TIPIN: variants seen among roughly 807,000 people sequenced by gnomAD.
TIPIN encodes the protein TIMELESS interacting protein.
A neutral mutation model predicts 35.6 loss-of-function variants in TIPIN; 29 were observed. That is an observed-to-expected ratio of 0.82 (90% confidence interval 0.61 to 1.11). TIPIN has a LOEUF of 1.11. TIPIN is among the 50% of genes most tolerant of loss of function. The pLI is 0.00. For synonymous variants in TIPIN, 102 were observed against 121.5 expected, an observed-to-expected ratio of 0.84 and a Z score of 1.06; for missense variants, 296 against 345.4, an observed-to-expected ratio of 0.86 and a Z score of 1.13.
At chr15:66,379,924 T>C in intron 1 of TIPIN, 1 of 1,361,420 alleles carries the variant, frequency 7.3e-7, no homozygotes, top group Non-Finnish European at 1.0e-6. Context: ...ACTCTCGCAG[T>C]ACACACGGCA....
chr15:66,361,553 C>A (rs2093231157), upstream of TIPIN, among the ~76,000 whole-genome samples: 1 of 103,204 alleles, frequency 9.7e-6, no homozygotes, highest in Non-Finnish European at 1.9e-5. Flanking sequence ...CTGTGCCCCA[C>A]CTGTAATTTA....
chr15:66,343,589 T>A (rs1170399144), intron 6 of TIPIN, among the ~76,000 whole-genome samples: 3 of 152,242 alleles, frequency 2.0e-5, no homozygotes, highest in African/African-American at 7.2e-5. Context: ...CCACTTTTCC[T>A]TCCTGACATG....
chr15:66,361,970 C>G (rs1448244915), intron 1 of TIPIN, among the ~76,000 whole-genome samples: 2 of 146,772 alleles, frequency 1.4e-5, no homozygotes, highest in Non-Finnish European at 3.0e-5. Context: ...CAGAGCCAGA[C>G]CCCGTCTCAA....
chr15:66,347,296 G>A (rs1364324484), intron 6 of TIPIN: 1 of 517,210 alleles, frequency 1.9e-6, no homozygotes, highest in South Asian at 1.4e-5. Context: ...ACTGTCTATG[G>A]TTGCACTGTA....
chr15:66,336,630 T>C lies in TIPIN; in HGVS notation c.*328A>G. On this transcript the variant is annotated 3_prime_UTR_variant, in exon 8 of 8. Transcript: ENST00000261881. ...CACACTGTCCATGGATTAGCCCTGCTTTGCAAGGAGCAGTAAAAAACAGAA... is the reference window on the plus strand; with the variant it reads ...CACACTGTCCATGGATTAGCCCTGCCTTGCAAGGAGCAGTAAAAAACAGAA... 1 of 293,270 alleles carries C rather than the reference T, an allele frequency of 3.4e-6. No homozygotes were observed. The highest frequency in any genetic ancestry group is 6.6e-6 in the Non-Finnish European group (1 of 151,666). The allele number at this position is 293,270 out of a possible 1,614,324, so 18.2% of individuals were successfully genotyped here.
intron 1 of TIPIN, chr15:66,379,883 G>T: frequency 7.0e-6 from 11 of 1,580,354 alleles, no homozygotes; most frequent in Non-Finnish European, 7.7e-6. Flanking sequence ...TTTCTGGAAT[G>T]TCGACAGTCT....
At chr15:66,353,795 C>A (rs2093185330) in intron 1 of TIPIN, among the ~76,000 whole-genome samples, 1 of 151,912 alleles carries the variant, frequency 6.6e-6, no homozygotes, top group Non-Finnish European at 1.5e-5. Flanking sequence ...TACTTAACTT[C>A]TCAATAACAA....
chr15:66,358,371 T>A (rs2140475327), upstream of TIPIN, among the ~76,000 whole-genome samples: 1 of 151,918 alleles, frequency 6.6e-6, no homozygotes, highest in Admixed American at 6.6e-5. Flanking sequence ...TTGCCAAACC[T>A]AGAAGATAAT....
chr15:66,356,615 A>C (rs1249188595), intron 1 of TIPIN, 24 bp downstream of exon 1: 1 of 983,832 alleles, frequency 1.0e-6, no homozygotes, highest in East Asian at 1.2e-4. Context: ...CAAGAACTTC[A>C]TTGGCCCGCC....
chr15:66,337,614 G>A (rs1005369305), intron 7 of TIPIN, among the ~76,000 whole-genome samples: 9 of 151,760 alleles, frequency 5.9e-5, no homozygotes, highest in African/African-American at 1.9e-4. Flanking sequence ...GAGCTACCAC[G>A]CCTAGCCAAT....
chr15:66,349,118 A>G lies in TIPIN; in HGVS notation c.417T>C (p.Cys139=). ...YLGSKKEVQT[C]LKRIRLDLPI... is the part of the protein sequence containing the mutation. ...GGAGATCAAGTCGAATTCGTTTTAA[A>G]CAGGTCTGAAAATGAAAAGAGATTA... Residue 139 remains cysteine (C), a synonymous_variant, in exon 6 of 8, where the codon TGT becomes TGC. Transcript: ENST00000261881. The G allele has an allele frequency of 6.2e-7, 1 of 1,610,922 alleles. No homozygotes were observed.
At chr15:66,376,774 G>C (rs2093298407) in intron 1 of TIPIN, among the ~76,000 whole-genome samples, 1 of 151,282 alleles carries the variant, frequency 6.6e-6, no homozygotes, top group South Asian at 2.1e-4. Flanking sequence ...TGCTGGGTCA[G>C]TATTGGGACT....
chr15:66,343,199 A>G (rs1461363096), intron 6 of TIPIN, among the ~76,000 whole-genome samples: 1 of 152,210 alleles, frequency 6.6e-6, no homozygotes, highest in Admixed American at 6.5e-5. Flanking sequence ...ATTCTACAAA[A>G]TAACAAAATG....
At chr15:66,337,772 AAAT>A (rs1240607347) in intron 7 of TIPIN, among the ~76,000 whole-genome samples, 1 of 66,900 alleles carries the variant, frequency 1.5e-5, no homozygotes, top group Admixed American at 1.6e-4. Flanking sequence ...ACATCAAAAA[AAAT>A]AAAATAAAAA....
chr15:66,371,181 A>G, intron 1 of TIPIN: 1 of 954,840 alleles, frequency 1.0e-6, no homozygotes, highest in Non-Finnish European at 1.2e-6. Flanking sequence ...ATTGCACTGC[A>G]GGCTGGGCAA....
At chr15:66,340,215 T>C (rs2093076369) in intron 7 of TIPIN, among the ~76,000 whole-genome samples, 1 of 136,262 alleles carries the variant, frequency 7.3e-6, no homozygotes, top group Admixed American at 7.6e-5. Flanking sequence ...TTTGCTCTTG[T>C]TGCCCAGGCT....
At chr15:66,347,703 C>G (rs1037411983) in intron 6 of TIPIN, among the ~76,000 whole-genome samples, 5 of 152,162 alleles carry the variant, frequency 3.3e-5, no homozygotes, top group Non-Finnish European at 7.3e-5. Flanking sequence ...CCTGCCTCAG[C>G]CTCCTGAGTA....
Position 66,336,512 on chromosome 15 carries a change from C to A in TIPIN, c.*446G>T. ...GAGGTTGCAGTGAGCCAAGACTGTG[C>A]CACTGCACTCCAGCCTGGCCAACAG... is the stretch of plus-strand genomic sequence containing the variant. On this transcript the variant is annotated 3_prime_UTR_variant, in exon 8 of 8. Coordinates refer to ENST00000261881, the MANE Select transcript of TIPIN (RefSeq NM_017858.3). 5.9e-6 allele frequency: 1 copy of A among 168,124 alleles called. No homozygotes were observed. Among genetic ancestry groups the A allele is most frequent in the South Asian group, 1.5e-4 (1 of 6,864 alleles). The allele number at this position is 168,124 out of a possible 1,614,324, so 10.4% of individuals were successfully genotyped here. A position where few individuals can be genotyped will look rare whatever the true frequency, so the allele number is the denominator to read the frequency against.
At chr15:66,347,910 A>G (rs2093137820) in intron 6 of TIPIN, among the ~76,000 whole-genome samples, 1 of 151,848 alleles carries the variant, frequency 6.6e-6, no homozygotes, top group Non-Finnish European at 1.5e-5. Context: ...TAACTTATCT[A>G]TTTATTGTAC....
Sources: allele counts gnomAD v4.1 joint callset (sites outside exome capture counted in the v4.1 genomes callset), GRCh38; gene constraint gnomAD v4.1.1; transcripts MANE v1.5; gene names NCBI Gene and HGNC (gene_info 2026-07-23, HGNC 2026-07-21).